The following CSMD3 variants were observed in gnomAD, a reference collection of about 807,000 sequenced individuals.
CSMD3 encodes CUB and Sushi multiple domains 3.
In CSMD3, 177 loss-of-function variants were observed where a neutral mutation model predicts 435.2. The observed-to-expected ratio is 0.41, with a 90% CI of 0.36 to 0.46. The LOEUF (loss-of-function observed/expected upper bound fraction) is 0.46. Among genes scored for constraint, CSMD3 ranks in the 20% least tolerant of loss-of-function variants. The pLI, the probability that CSMD3 is intolerant of heterozygous loss-of-function variation, is 0.34. For missense variants in CSMD3, 4,265 were observed against 4,504.6 expected, an observed-to-expected ratio of 0.95 and a Z score of 1.52; for synonymous variants, 1,656 against 1,520.5, an observed-to-expected ratio of 1.09 and a Z score of -2.07.
intron 1 of CSMD3, among the ~76,000 whole-genome samples, chr8:113,354,530 C>T (rs1462762097): frequency 1.3e-5 from 2 of 152,140 alleles, no homozygotes; most frequent in African/African-American, 2.4e-5. Context: ...AATGATCTTG[C>T]TAAACATGAA....
chr8:113,224,747 G>C (rs1487617004), intron 3 of CSMD3, among the ~76,000 whole-genome samples: 1 of 151,054 alleles, frequency 6.6e-6, no homozygotes, highest in Non-Finnish European at 1.5e-5. Flanking sequence ...ACAGAGGAGA[G>C]GCAATAGATG....
chr8:113,011,390 T>C (rs983361892), intron 6 of CSMD3, among the ~76,000 whole-genome samples: 1 of 151,830 alleles, frequency 6.6e-6, no homozygotes, highest in Non-Finnish European at 1.5e-5. Flanking sequence ...GAATAGTTTG[T>C]TCAGCTTACC....
intron 13 of CSMD3, among the ~76,000 whole-genome samples, chr8:112,712,810 A>G (rs1006729001): frequency 6.7e-6 from 1 of 149,110 alleles, no homozygotes; most frequent in Admixed American, 6.7e-5. Context: ...AAAAAAAAAA[A>G]GAGCCTGAAG....
chr8:112,378,270 A>G (rs1238713277), intron 38 of CSMD3, among the ~76,000 whole-genome samples: 1 of 146,406 alleles, frequency 6.8e-6, no homozygotes, highest in Non-Finnish European at 1.5e-5. Context: ...TAAAAAAAAG[A>G]AAAAAAAAAC....
intron 12 of CSMD3, among the ~76,000 whole-genome samples, chr8:112,813,613 C>A (rs2079289079): frequency 6.6e-6 from 1 of 152,000 alleles, no homozygotes; most frequent in Admixed American, 6.6e-5. Flanking sequence ...CTGTTTATAG[C>A]TTTCTTGGGG....
chr8:112,463,792 G>A (rs747381584), intron 32 of CSMD3, among the ~76,000 whole-genome samples: 2 of 152,048 alleles, frequency 1.3e-5, no homozygotes, highest in Admixed American at 6.6e-5. Flanking sequence ...AGCAGTCACC[G>A]GCCCCTTTTC....
At chr8:112,557,516 C>T (rs1445103756) in intron 24 of CSMD3, among the ~76,000 whole-genome samples, 1 of 151,988 alleles carries the variant, frequency 6.6e-6, no homozygotes, top group African/African-American at 2.4e-5. Context: ...GGGTCATATA[C>T]ATACATCTCC....
At chr8:112,286,395 C>G (rs2130626182) in intron 58 of CSMD3, among the ~76,000 whole-genome samples, 1 of 152,166 alleles carries the variant, frequency 6.6e-6, no homozygotes, top group East Asian at 1.9e-4. Flanking sequence ...GATGAAATAT[C>G]ATGTCGTCCC....
intron 4 of CSMD3, among the ~76,000 whole-genome samples, chr8:113,136,018 A>G (rs1168005184): frequency 6.6e-6 from 1 of 151,882 alleles, no homozygotes; most frequent in Admixed American, 6.6e-5. Context: ...GAGAATGCAA[A>G]CAGGCACAAT....
At chr8:112,654,926 G>C (rs1354437713) in intron 18 of CSMD3, among the ~76,000 whole-genome samples, 2 of 152,072 alleles carry the variant, frequency 1.3e-5, no homozygotes, top group Non-Finnish European at 2.9e-5. Flanking sequence ...TTTGACTCAG[G>C]TTTAGTAAAT....
At chr8:112,515,450 T>G (rs556152032) in intron 28 of CSMD3, among the ~76,000 whole-genome samples, 1 of 152,284 alleles carries the variant, frequency 6.6e-6, no homozygotes, top group African/African-American at 2.4e-5. Context: ...ACTTGAAAAT[T>G]TTGAAACAGA....
At chr8:112,384,565 T>A (rs1259538356) in intron 36 of CSMD3, among the ~76,000 whole-genome samples, 1 of 152,258 alleles carries the variant, frequency 6.6e-6, no homozygotes, top group Non-Finnish European at 1.5e-5. Flanking sequence ...AAAAGTTTTT[T>A]AAGCTAAAAT....
chr8:113,422,079 C>T (rs1443914517), intron 1 of CSMD3, among the ~76,000 whole-genome samples: 1 of 152,146 alleles, frequency 6.6e-6, no homozygotes, highest in African/African-American at 2.4e-5. Context: ...GTTTACTAAT[C>T]CTAAAATTAA....
chr8:112,477,597 T>C (rs1396870109), intron 31 of CSMD3, among the ~76,000 whole-genome samples: 2 of 151,894 alleles, frequency 1.3e-5, no homozygotes, highest in African/African-American at 4.8e-5. Context: ...TTTAAAGGTA[T>C]ATGGCACCTC....
At chr8:113,318,079 T>C (rs779941655) in intron 1 of CSMD3, among the ~76,000 whole-genome samples, 1 of 152,186 alleles carries the variant, frequency 6.6e-6, no homozygotes, top group Non-Finnish European at 1.5e-5. Context: ...ATCTTTTGTG[T>C]ACAAAGGGCA....
At chr8:113,143,961 A>C (rs2091611530) in intron 4 of CSMD3, among the ~76,000 whole-genome samples, 1 of 151,460 alleles carries the variant, frequency 6.6e-6, no homozygotes, top group Non-Finnish European at 1.5e-5. Context: ...TGGATACATG[A>C]ACTTTCTCTG....
intron 32 of CSMD3, among the ~76,000 whole-genome samples, chr8:112,439,038 A>C (rs1430928577): frequency 2.0e-5 from 3 of 152,216 alleles, no homozygotes; most frequent in African/African-American, 7.2e-5. Context: ...AAATTGTACC[A>C]ATCATACTTC....
intron 35 of CSMD3, among the ~76,000 whole-genome samples, chr8:112,402,795 G>T (rs1831450352): frequency 6.6e-6 from 1 of 152,096 alleles, no homozygotes; most frequent in African/African-American, 2.4e-5. Flanking sequence ...CTGATTTCAA[G>T]CAATGTAATT....
intron 6 of CSMD3, among the ~76,000 whole-genome samples, chr8:112,980,710 C>G (rs555702728): frequency 3.2e-4 from 49 of 151,368 alleles, no homozygotes; most frequent in African/African-American, 1.1e-3. Flanking sequence ...TAATTGAATA[C>G]GAGGGTATGA....
Sources: allele counts gnomAD v4.1 joint callset (sites outside exome capture counted in the v4.1 genomes callset), GRCh38; gene constraint gnomAD v4.1.1; transcripts MANE v1.5; gene names NCBI Gene and HGNC (gene_info 2026-07-23, HGNC 2026-07-21).